SEMA3A: variants seen among roughly 807,000 people sequenced by gnomAD.
SEMA3A encodes semaphorin-3A.
A neutral mutation model predicts 97.9 loss-of-function variants in SEMA3A; 29 were observed. That is an observed-to-expected ratio of 0.30 (90% confidence interval 0.22 to 0.40). The LOEUF is 0.40. Among genes scored for constraint, SEMA3A ranks in the 10% least tolerant of loss-of-function variants. The pLI is 1.00. For synonymous variants in SEMA3A, 321 were observed against 323.7 expected, an observed-to-expected ratio of 0.99 and a Z score of 0.09; for missense variants, 763 against 951.3, an observed-to-expected ratio of 0.80 and a Z score of 2.60.
At chr7:84,015,781 T>C (rs1244689508) in intron 6 of SEMA3A, among the ~76,000 whole-genome samples, 1 of 152,176 alleles carries the variant, frequency 6.6e-6, no homozygotes, top group Non-Finnish European at 1.5e-5. Context: ...TAACATTTGC[T>C]CTGGGACCAT....
intron 12 of SEMA3A, among the ~76,000 whole-genome samples, chr7:83,998,115 T>TAAA (rs11415120): frequency 6.7e-6 from 1 of 148,754 alleles, no homozygotes; most frequent in African/African-American, 2.5e-5. Flanking sequence ...TGCAAAATGC[T>TAAA]AAAAAAAAAA....
At chr7:84,335,557 T>C (rs953610060) in intron 2 of SEMA3A, among the ~76,000 whole-genome samples, 1 of 152,154 alleles carries the variant, frequency 6.6e-6, no homozygotes, top group African/African-American at 2.4e-5. Flanking sequence ...GCGAAGATTA[T>C]GCAATTCACA....
chr7:84,388,279 G>T (rs1803451393), intron 1 of SEMA3A, among the ~76,000 whole-genome samples: 1 of 151,898 alleles, frequency 6.6e-6, no homozygotes, highest in Non-Finnish European at 1.5e-5. Flanking sequence ...GATATTCTCG[G>T]GGAAGTTGGT....
intron 1 of SEMA3A, among the ~76,000 whole-genome samples, chr7:84,429,540 A>ATATATG (rs1804919296): frequency 8.3e-6 from 1 of 120,574 alleles, no homozygotes; most frequent in South Asian, 2.9e-4. Flanking sequence ...ATATATATAT[A>ATATATG]TATATATAGC....
chr7:84,436,151 C>A (rs776470939), intron 1 of SEMA3A, among the ~76,000 whole-genome samples: 1 of 152,064 alleles, frequency 6.6e-6, no homozygotes, highest in Non-Finnish European at 1.5e-5. Context: ...AAACTGGACC[C>A]CTACTTTTTA....
At chr7:84,241,699 G>A (rs922804965) in intron 3 of SEMA3A, among the ~76,000 whole-genome samples, 14 of 152,124 alleles carry the variant, frequency 9.2e-5, no homozygotes, top group African/African-American at 3.1e-4. Flanking sequence ...TGAAGTCTTT[G>A]CCCATGCCAA....
At chr7:84,179,860 T>C (rs1797684479) in intron 1 of SEMA3A, among the ~76,000 whole-genome samples, 1 of 150,170 alleles carries the variant, frequency 6.7e-6, no homozygotes, top group Non-Finnish European at 1.5e-5. Flanking sequence ...CTATACCAAA[T>C]TGTAACAACA....
intron 2 of SEMA3A, among the ~76,000 whole-genome samples, chr7:84,353,650 G>A (rs1450789671): frequency 6.6e-6 from 1 of 151,572 alleles, no homozygotes; most frequent in Non-Finnish European, 1.5e-5. Flanking sequence ...TGAAGAAAAA[G>A]TGTTTCATTT....
At chr7:84,387,761 A>C (rs1283770209) in intron 1 of SEMA3A, among the ~76,000 whole-genome samples, 1 of 152,198 alleles carries the variant, frequency 6.6e-6, no homozygotes, top group Non-Finnish European at 1.5e-5. Context: ...AACTGTTAGA[A>C]TGTAGACATG....
rs191330629 is a variant in SEMA3A, at chr7:84,164,473, A to T, written c.113-29522T>A. On this transcript the variant is annotated intron_variant, in intron 1 of 16. Coordinates refer to ENST00000265362, the MANE Select transcript of SEMA3A (RefSeq NM_006080.3). Reference sequence around the variant, plus strand: ...CCCTGGATGATAATGGGATAATCTTATCCCATTGGATAAGACTGTATATTT... The same window carrying T: ...CCCTGGATGATAATGGGATAATCTTTTCCCATTGGATAAGACTGTATATTT... Among the ~76,000 whole-genome samples the T allele has an allele frequency of 2.9e-3, 439 of 152,232 alleles. 2 individuals are homozygous for T. The highest frequency in any genetic ancestry group is 0.01 in the African/African-American group (426 of 41,544).
chr7:84,178,980 A>C (rs1797654923), intron 1 of SEMA3A, among the ~76,000 whole-genome samples: 1 of 151,148 alleles, frequency 6.6e-6, no homozygotes, highest in Non-Finnish European at 1.5e-5. Flanking sequence ...CGGTTCTTTG[A>C]TTCCTACTTC....
intron 2 of SEMA3A, among the ~76,000 whole-genome samples, chr7:84,341,901 C>A (rs1354763023): frequency 1.3e-5 from 2 of 152,034 alleles, no homozygotes; most frequent in Admixed American, 1.3e-4. Flanking sequence ...GAGTTTATGC[C>A]CCTCACGCTT....
chr7:84,167,075 T>C (rs1797237304), intron 1 of SEMA3A, among the ~76,000 whole-genome samples: 2 of 46,746 alleles, frequency 4.3e-5, no homozygotes, highest in Non-Finnish European at 1.2e-4. Context: ...CTACAAGATG[T>C]AGGACTGATG....
chr7:84,325,132 TATC>T (rs2115925636), intron 2 of SEMA3A, among the ~76,000 whole-genome samples: 2 of 90,542 alleles, frequency 2.2e-5, no homozygotes, highest in South Asian at 7.7e-4. Context: ...TCTATCTATC[TATC>T]TATCTATCTA....
At chr7:84,283,825 A>T (rs974642421) in intron 3 of SEMA3A, among the ~76,000 whole-genome samples, 21 of 152,304 alleles carry the variant, frequency 1.4e-4, no homozygotes, top group African/African-American at 4.1e-4. Flanking sequence ...AGTTACAAAG[A>T]TTGTCAGAAT....
chr7:84,056,099 T>A (rs1792963128), intron 5 of SEMA3A, among the ~76,000 whole-genome samples: 1 of 151,734 alleles, frequency 6.6e-6, no homozygotes, highest in Non-Finnish European at 1.5e-5. Flanking sequence ...TGTGCTGACA[T>A]ATGTAAACTA....
chr7:84,134,297 G>C (rs1203985600), intron 2 of SEMA3A, among the ~76,000 whole-genome samples: 1 of 152,124 alleles, frequency 6.6e-6, no homozygotes, highest in Non-Finnish European at 1.5e-5. Context: ...TTCTGCTGTT[G>C]TAGCACAAAA....
chr7:84,191,542 A>G (rs1798038608), intron 1 of SEMA3A, among the ~76,000 whole-genome samples: 1 of 151,864 alleles, frequency 6.6e-6, no homozygotes, highest in Non-Finnish European at 1.5e-5. Flanking sequence ...ATTGTATCAC[A>G]TATCCCAAAT....
chr7:84,004,701 G>T (rs1790594990), intron 11 of SEMA3A, among the ~76,000 whole-genome samples: 1 of 152,212 alleles, frequency 6.6e-6, no homozygotes, highest in South Asian at 2.1e-4. Flanking sequence ...TTATCTACTT[G>T]TCACAGAAAA....
Sources: allele counts gnomAD v4.1 joint callset (sites outside exome capture counted in the v4.1 genomes callset), GRCh38; gene constraint gnomAD v4.1.1; transcripts MANE v1.5; gene names NCBI Gene and HGNC (gene_info 2026-07-23, HGNC 2026-07-21).